The following MARCHF1 variants were observed in gnomAD, a reference collection of about 807,000 sequenced individuals.
The protein encoded by MARCHF1 is membrane associated ring-CH-type finger 1.
Under a neutral mutation model 54.2 loss-of-function variants are expected in MARCHF1, and 40 were observed. The observed-to-expected ratio is 0.74, with a 90% CI of 0.57 to 0.96. The LOEUF (loss-of-function observed/expected upper bound fraction) is 0.96, where lower values mean the gene tolerates loss of function less well. Among genes scored for constraint, MARCHF1 ranks in the 40% least tolerant of loss-of-function variants. The pLI, the probability that MARCHF1 is intolerant of heterozygous loss-of-function variation, is 0.00. For missense variants in MARCHF1, 586 were observed against 656.5 expected (o/e 0.89, Z 1.17); for synonymous variants, 236 against 236.3 (o/e 1.00, Z 0.01).
intron 1 of MARCHF1, chr4:164,188,568 C>A: frequency 1.3e-6 from 1 of 781,202 alleles, no homozygotes. Context: ...ATCACGCGGT[C>A]CTATGTGCCC....
At chr4:163,805,321 AT>A (rs1410849401) in intron 4 of MARCHF1, among the ~76,000 whole-genome samples, 1 of 152,052 alleles carries the variant, frequency 6.6e-6, no homozygotes, top group South Asian at 2.1e-4. Flanking sequence ...TTTTTCAGAA[AT>A]GGATGTGTTT....
At chr4:163,674,210 A>T (rs1743828152) in intron 5 of MARCHF1, among the ~76,000 whole-genome samples, 1 of 152,218 alleles carries the variant, frequency 6.6e-6, no homozygotes, top group Non-Finnish European at 1.5e-5. Flanking sequence ...GCAAACAACA[A>T]GGAAACAAAA....
chr4:163,873,314 G>C lies in MARCHF1; in HGVS notation c.-38-19145C>G, dbSNP rs111525429. On this transcript the variant is annotated intron_variant, in intron 3 of 9. Transcript: ENST00000514618. ...GGACCAAGTTTAAGTATTCAAAATG[G>C]AAAGTCTTTTAGAAATTGTACTGGT... Among the ~76,000 whole-genome samples, 642 of 152,306 alleles carry C rather than the reference G, an allele frequency of 4.2e-3. 3 individuals carry two copies. Among genetic ancestry groups the C allele is most frequent in the Middle Eastern group, 0.01 (3 of 294 alleles).
At chr4:164,234,323 T>C (rs78839943) in intron 1 of MARCHF1, among the ~76,000 whole-genome samples, 6,216 of 152,232 alleles carry the variant, frequency 0.041, 404 homozygotes, top group African/African-American at 0.14. Context: ...ATACAATAAC[T>C]ACTTATGGTC....
At chr4:163,651,947 C>G (rs1461365044) in intron 5 of MARCHF1, among the ~76,000 whole-genome samples, 1 of 151,698 alleles carries the variant, frequency 6.6e-6, no homozygotes, top group Non-Finnish European at 1.5e-5. Flanking sequence ...TATGATCTGG[C>G]CCCTGGTCAT....
intron 2 of MARCHF1, among the ~76,000 whole-genome samples, chr4:164,057,434 T>C (rs1008729874): frequency 6.6e-6 from 1 of 152,236 alleles, no homozygotes; most frequent in Non-Finnish European, 1.5e-5. Flanking sequence ...CAATTTAGAT[T>C]AGATTTTATA....
At chr4:163,730,666 T>C (rs981694531) in intron 4 of MARCHF1, among the ~76,000 whole-genome samples, 16 of 152,160 alleles carry the variant, frequency 1.1e-4, no homozygotes, top group African/African-American at 3.9e-4. Context: ...GTGCTGCACC[T>C]ACTTTTTTAT....
At chr4:163,633,408 G>C (rs925352502) in intron 5 of MARCHF1, among the ~76,000 whole-genome samples, 1 of 152,220 alleles carries the variant, frequency 6.6e-6, no homozygotes, top group African/African-American at 2.4e-5. Flanking sequence ...TAAAGGAGCT[G>C]ATGGAGCTGA....
At chr4:164,243,362 C>G (rs1222312047) in intron 1 of MARCHF1, among the ~76,000 whole-genome samples, 61 of 148,730 alleles carry the variant, frequency 4.1e-4, no homozygotes, top group Non-Finnish European at 7.4e-4. Flanking sequence ...CCCAGAATTT[C>G]ATATCCAGCC....
At chr4:163,842,818 C>A (rs1169167703) in intron 4 of MARCHF1, among the ~76,000 whole-genome samples, 1 of 152,150 alleles carries the variant, frequency 6.6e-6, no homozygotes, top group Non-Finnish European at 1.5e-5. Context: ...CTCCTCTTCA[C>A]TGTTTACTGG....
chr4:164,093,270 A>G (rs2111137625), intron 2 of MARCHF1, among the ~76,000 whole-genome samples: 1 of 152,202 alleles, frequency 6.6e-6, no homozygotes, highest in African/African-American at 2.4e-5. Flanking sequence ...AGGAATTACC[A>G]TCCCTTGAAA....
In MARCHF1 at chr4:164,004,931, A is replaced by G. The variant is rs138653300; in HGVS notation, c.-247-16222T>C. On this transcript the variant is annotated intron_variant, in intron 2 of 9. Coordinates refer to ENST00000514618, the MANE Select transcript of MARCHF1 (RefSeq NM_001394959.1). ...TGATGATATAATATTTACTTTAAGC[A>G]GCAATAAAAGTAGAGCACATTAAAA... is the stretch of plus-strand genomic sequence containing the variant. Among the ~76,000 whole-genome samples the G allele has an allele frequency of 7.3e-3, 1,106 of 152,246 alleles. 10 individuals are homozygous for G. Among genetic ancestry groups the G allele is most frequent in the East Asian group, 0.016 (81 of 5,186 alleles).
intron 3 of MARCHF1, among the ~76,000 whole-genome samples, chr4:163,858,168 T>C (rs10517791): frequency 0.3 from 44,781 of 151,124 alleles, 6,846 homozygotes; most frequent in Middle Eastern, 0.38. Context: ...GGAATGCTTT[T>C]CATATTAAAC....
intron 1 of MARCHF1, among the ~76,000 whole-genome samples, chr4:164,368,150 A>C (rs1730932132): frequency 6.6e-6 from 1 of 151,234 alleles, no homozygotes; most frequent in Non-Finnish European, 1.5e-5. Context: ...TTCTTTAAAA[A>C]ACTGATTTTT....
intron 8 of MARCHF1, among the ~76,000 whole-genome samples, chr4:163,559,879 T>C (rs1032058818): frequency 9.2e-5 from 14 of 152,170 alleles, no homozygotes; most frequent in African/African-American, 2.7e-4. Context: ...GCCTCGGAAA[T>C]CTAGTGGCAT....
At chr4:163,941,426 G>A (rs1170045013) in intron 3 of MARCHF1, among the ~76,000 whole-genome samples, 4 of 152,086 alleles carry the variant, frequency 2.6e-5, no homozygotes, top group Non-Finnish European at 2.9e-5. Flanking sequence ...CATGACAGAC[G>A]TGGCACCAGT....
intron 1 of MARCHF1, among the ~76,000 whole-genome samples, chr4:164,249,785 T>C (rs530337350): frequency 7.6e-4 from 113 of 149,576 alleles, no homozygotes; most frequent in African/African-American, 2.7e-3. Context: ...AAAAGTCTTA[T>C]GAGAGTTCAT....
At chr4:163,563,787 G>A (rs1252252279) in intron 8 of MARCHF1, among the ~76,000 whole-genome samples, 1 of 152,214 alleles carries the variant, frequency 6.6e-6, no homozygotes, top group Non-Finnish European at 1.5e-5. Flanking sequence ...ATTAAGCAAT[G>A]TGTGAATTCT....
rs942303941 is a variant in MARCHF1, at chr4:164,241,635, C to G, written c.-322-129973G>C. On this transcript the variant is annotated intron_variant, in intron 1 of 9. Transcript: ENST00000514618. ...AAATGGGGGAGGAGCCAAGATGGCC[C>G]AATAGGAACAGCTCCGGTCTACAGC... 5.9e-5 allele frequency among the ~76,000 whole-genome samples: 9 copies of G among 151,958 alleles called. No individual in the cohort carries two copies. In the South Asian group the frequency reaches 1.0e-3, roughly 18 times the overall value.
Sources: gnomAD v4.1 joint callset for allele counts (sites outside exome capture counted in the v4.1 genomes callset) on GRCh38, gnomAD v4.1.1 for gene constraint, MANE v1.5 for transcripts, NCBI Gene and HGNC (gene_info 2026-07-23, HGNC 2026-07-21) for gene names.